The following MAP7D2 variants were observed in gnomAD, a reference collection of about 807,000 sequenced individuals.
The protein encoded by MAP7D2 is MAP7 domain containing 2.
MAP7D2 carries 33 observed loss-of-function variants against 63.5 expected under a neutral mutation model. The observed-to-expected ratio is 0.52, with a 90% confidence interval of 0.39 to 0.70. MAP7D2 has a LOEUF of 0.70. Among genes scored for constraint, MAP7D2 ranks in the 30% least tolerant of loss-of-function variants. MAP7D2 has a pLI of 0.00. For synonymous variants in MAP7D2, 224 were observed against 223.7 expected, an observed-to-expected ratio of 1.00 and a Z score of -0.01; for missense variants, 626 against 604.0, an observed-to-expected ratio of 1.04 and a Z score of -0.38.
intron 1 of MAP7D2, among the ~76,000 whole-genome samples, chrX:20,116,223 C>G (rs1455694203): frequency 2.7e-5 from 3 of 113,181 alleles, no homozygotes; most frequent in Non-Finnish European, 5.6e-5. Flanking sequence ...AGACGCCTGG[C>G]CGCCCGGGCG....
intron 11 of MAP7D2, among the ~76,000 whole-genome samples, 159 bp downstream of exon 11, chrX:20,015,935 C>A (rs2073369733): frequency 8.9e-6 from 1 of 112,362 alleles, no homozygotes; most frequent in South Asian, 3.7e-4. Context: ...ACATTACCAA[C>A]TTCACTGCAA....
chrX:20,035,254 A>G (rs996881017), intron 8 of MAP7D2, among the ~76,000 whole-genome samples: 1 of 111,144 alleles, frequency 9.0e-6, no homozygotes, highest in African/African-American at 3.3e-5. Flanking sequence ...TATGGAGAGG[A>G]TGATGGCTGA....
intron 8 of MAP7D2, 97 bp from the exon 9 acceptor site, chrX:20,026,049 A>C: frequency 6.6e-5 from 64 of 974,819 alleles, no homozygotes; most frequent in Non-Finnish European, 8.6e-5. Flanking sequence ...GAACAATTTC[A>C]TCCTTCCAGA....
intron 10 of MAP7D2, among the ~76,000 whole-genome samples, chrX:20,023,650 A>G (rs969872992): frequency 1.8e-5 from 2 of 112,106 alleles, no homozygotes; most frequent in African/African-American, 6.5e-5. Flanking sequence ...CTGGAAAGTA[A>G]AGAACATCAC....
At chrX:20,080,178 A>G (rs1296144056) in intron 1 of MAP7D2, among the ~76,000 whole-genome samples, 1 of 110,699 alleles carries the variant, frequency 9.0e-6, no homozygotes, top group Non-Finnish European at 1.9e-5. Context: ...TTGCTAGTTA[A>G]AAGAAACCTA....
intron 8 of MAP7D2, among the ~76,000 whole-genome samples, chrX:20,030,914 A>G (rs1022075875): frequency 8.9e-6 from 1 of 112,088 alleles, no homozygotes; most frequent in Non-Finnish European, 1.9e-5. Context: ...CCCAAAGAAC[A>G]CAACCTGAAT....
At chrX:20,019,182 T>A (rs749822227) in intron 10 of MAP7D2, among the ~76,000 whole-genome samples, 78 of 110,815 alleles carry the variant, frequency 7.0e-4, no homozygotes, top group Non-Finnish European at 1.2e-3. Flanking sequence ...AGTGCCACCA[T>A]GCCTGGATCA....
At chrX:20,111,248 T>C (rs1268929116) in intron 1 of MAP7D2, among the ~76,000 whole-genome samples, 4 of 109,597 alleles carry the variant, frequency 3.6e-5, no homozygotes, top group Non-Finnish European at 7.6e-5. Context: ...ACTATGAGGG[T>C]TGGCACATAA....
At chrX:20,116,601 C>A in intron 1 of MAP7D2, 149 bp downstream of exon 1, 1 of 979,678 alleles carries the variant, frequency 1.0e-6, no homozygotes, top group Non-Finnish European at 1.3e-6. Context: ...CACGTCCGGA[C>A]GATCCTGGGC....
intron 10 of MAP7D2, chrX:20,021,201 T>C (rs370855259): frequency 9.0e-6 from 1 of 111,572 alleles, no homozygotes; most frequent in African/African-American, 3.3e-5. Context: ...TGGGCCCTGT[T>C]GTGTTTGGGA....
At chrX:20,062,165 T>C (rs911374406) in intron 3 of MAP7D2, among the ~76,000 whole-genome samples, 2 of 112,519 alleles carry the variant, frequency 1.8e-5, no homozygotes, top group African/African-American at 6.5e-5. Flanking sequence ...CTAGGTGCTT[T>C]GCTGGGCACT....
intron 1 of MAP7D2, among the ~76,000 whole-genome samples, chrX:20,086,247 C>T (rs1431277733): frequency 8.9e-6 from 1 of 112,039 alleles, no homozygotes; most frequent in Non-Finnish European, 1.9e-5. Context: ...CGCACCCAAT[C>T]CTGTCTTCCC....
At chrX:20,098,738 G>C (rs1468404713) in intron 1 of MAP7D2, among the ~76,000 whole-genome samples, 1 of 112,253 alleles carries the variant, frequency 8.9e-6, no homozygotes, top group Admixed American at 9.4e-5. Context: ...ATTCTTTCTC[G>C]AGATCACCTC....
intron 8 of MAP7D2, among the ~76,000 whole-genome samples, chrX:20,030,811 A>G (rs1195446159): frequency 9.0e-6 from 1 of 111,591 alleles, no homozygotes; most frequent in Non-Finnish European, 1.9e-5. Flanking sequence ...CAGTAATCAA[A>G]GTTAATATCA....
chrX:20,087,144 C>G (rs2065929648), intron 1 of MAP7D2, among the ~76,000 whole-genome samples: 1 of 111,941 alleles, frequency 8.9e-6, no homozygotes, highest in Non-Finnish European at 1.9e-5. Context: ...GTCTTAAAGG[C>G]ATGATTTACA....
intron 1 of MAP7D2, among the ~76,000 whole-genome samples, chrX:20,082,519 C>T (rs1380477596): frequency 8.9e-6 from 1 of 112,455 alleles, no homozygotes; most frequent in African/African-American, 3.2e-5. Context: ...GCCTACAGAT[C>T]TGTGCGTCTG....
chrX:20,056,814 G>A (rs2148344612), intron 3 of MAP7D2, 23 bp from the exon 4 acceptor site: 3 of 1,181,325 alleles, frequency 2.5e-6, no homozygotes, highest in Non-Finnish European at 3.4e-6. Context: ...TGTAAGGCAA[G>A]TGTTAACAAG....
At chrX:20,061,265 G>A (rs954778675) in intron 3 of MAP7D2, among the ~76,000 whole-genome samples, 1 of 110,675 alleles carries the variant, frequency 9.0e-6, no homozygotes, top group Admixed American at 9.6e-5. Context: ...CTTTGAAGAG[G>A]GGCTTCCGTA....
intron 1 of MAP7D2, among the ~76,000 whole-genome samples, chrX:20,077,602 C>T (rs1029958884): frequency 8.9e-6 from 1 of 112,196 alleles, no homozygotes; most frequent in African/African-American, 3.2e-5. Flanking sequence ...GTATCCAGCA[C>T]ACAATAGGAG....
Sources: allele counts gnomAD v4.1 joint callset (sites outside exome capture counted in the v4.1 genomes callset), GRCh38; gene constraint gnomAD v4.1.1; transcripts MANE v1.5; gene names NCBI Gene and HGNC (gene_info 2026-07-23, HGNC 2026-07-21).